RNF19A: variants seen among roughly 807,000 people sequenced by gnomAD.
RNF19A encodes E3 ubiquitin-protein ligase RNF19A.
In RNF19A, 32 loss-of-function variants were observed where a neutral mutation model predicts 75.7. That is an observed-to-expected ratio of 0.42 (90% CI 0.32 to 0.57). The LOEUF (loss-of-function observed/expected upper bound fraction) is 0.57, where lower values mean the gene tolerates loss of function less well. RNF19A is among the 20% of genes least tolerant of loss of function. The pLI, the probability that RNF19A is intolerant of heterozygous loss-of-function variation, is 0.10. For missense variants in RNF19A, 782 were observed against 1,036.3 expected (o/e 0.75, Z 3.37); for synonymous variants, 335 against 345.2 (o/e 0.97, Z 0.33).
intron 3 of RNF19A, 41 bp from the exon 4 acceptor site, chr8:100,270,054 G>C (rs1426900075): frequency 6.9e-7 from 1 of 1,443,722 alleles, no homozygotes. Context: ...ACATAAAACT[G>C]GTCTAAAAAT....
chr8:100,264,409 A>T lies in RNF19A; in HGVS notation c.1307-214T>A. The T allele has an allele frequency of 1.7e-6, 1 of 581,004 alleles. No homozygotes were observed. The highest frequency in any genetic ancestry group is 3.0e-6 in the Non-Finnish European group (1 of 334,168). The allele number at this position is 581,004 out of a possible 1,614,324, so 36.0% of individuals were successfully genotyped here. A position where few individuals can be genotyped will look rare whatever the true frequency, so the allele number is the denominator to read the frequency against. On this transcript the variant is annotated intron_variant, in intron 6 of 9. Transcript: ENST00000341084. This position sits in a 1 kb window ranked among gnomAD's most constrained non-coding sequence, Gnocchi z 4.7. ...AGGTAATGCACATAAGGGGAAAAAG[A>T]GAGAGATGCAAACTTTTTTCTTTTG...
Position 100,258,077 on chromosome 8 carries a change from C to T in RNF19A, c.*479G>A, listed in dbSNP as rs545105224. Reference sequence around the variant, plus strand: ...TGAAGAAAAAAAATGAAATTTATGCCGATATAAATAGAAATGTTACAGAGT... The same window carrying T: ...TGAAGAAAAAAAATGAAATTTATGCTGATATAAATAGAAATGTTACAGAGT... On this transcript the variant is annotated 3_prime_UTR_variant, in exon 10 of 10. Transcript: ENST00000341084. This position sits in a 1 kb window ranked among gnomAD's most constrained non-coding sequence, Gnocchi z 4.3. The T allele has an allele frequency of 9.3e-5, 37 of 398,592 alleles. No individual in the cohort carries two copies. The highest frequency in any genetic ancestry group is 7.2e-4 in the African/African-American group (35 of 48,656). 24.7% of individuals were successfully genotyped at this position (398,592 alleles called of 1,614,324 possible). A position where few individuals can be genotyped will look rare whatever the true frequency, so the allele number is the denominator to read the frequency against.
At chr8:100,327,162 A>G (rs1381729797) in intron 1 of RNF19A, among the ~76,000 whole-genome samples, 4 of 149,378 alleles carry the variant, frequency 2.7e-5, no homozygotes, top group Middle Eastern at 3.2e-3. Context: ...AAGAAAAATT[A>G]TTCTCATCTT....
chr8:100,326,776 A>G (rs756040893), intron 1 of RNF19A, among the ~76,000 whole-genome samples: 2 of 152,222 alleles, frequency 1.3e-5, no homozygotes, highest in Non-Finnish European at 2.9e-5. Context: ...TACTTATCTT[A>G]AACACTTTAA....
intron 2 of RNF19A, among the ~76,000 whole-genome samples, chr8:100,285,008 T>C (rs563446499): frequency 1.1e-4 from 17 of 152,282 alleles, no homozygotes; most frequent in African/African-American, 4.1e-4. Context: ...TCACATCCCC[T>C]CTTCCTACTC....
At chr8:100,295,605 T>C (rs75095053) in intron 1 of RNF19A, among the ~76,000 whole-genome samples, 8,998 of 152,252 alleles carry the variant, frequency 0.059, 334 homozygotes, top group African/African-American at 0.11. Context: ...GCATTTACTA[T>C]ATGTAGTGTT....
chr8:100,258,667 A>G lies in RNF19A; in HGVS notation c.2406T>C (p.Asn802=). The G allele has an allele frequency of 1.9e-6, 3 of 1,614,074 alleles. No homozygotes were observed. The highest frequency in any genetic ancestry group is 1.1e-5 in the South Asian group (1 of 91,082). ...ATAAATCAACATTAGGTTTTATTCC[A>G]TTGTTACCATGTTCTTCAGCAATAT... ...LNHIAEEHGN[N]GIKPNVDLYF... The change falls in exon 10 of 10, where the codon AAT becomes AAC. Residue 802 remains asparagine (N), a synonymous_variant. Coordinates refer to ENST00000341084, the MANE Select transcript of RNF19A (RefSeq NM_183419.4). This position sits in a 1 kb window ranked among gnomAD's most constrained non-coding sequence, Gnocchi z 4.3.
intron 1 of RNF19A, among the ~76,000 whole-genome samples, chr8:100,335,546 T>C (rs1264433941): frequency 3.3e-5 from 5 of 152,260 alleles, no homozygotes; most frequent in African/African-American, 1.2e-4. Context: ...CTATTTTTAC[T>C]TTAATAATTT....
rs1821067521 is a variant in RNF19A, at chr8:100,287,268, C to T, written c.674+233G>A. 6.6e-6 allele frequency among the ~76,000 whole-genome samples: 1 copy of T among 152,056 alleles called. No homozygotes were observed. The highest frequency in any genetic ancestry group is 2.4e-5 in the African/African-American group (1 of 41,400). The stretch of plus-strand genomic sequence containing the variant: ...TAGATCCTGTACTCTACCACCTTAC[C>T]CTTTCCTTCTAAAAGTGCTCAGTGA... On this transcript the variant is annotated intron_variant, in intron 2 of 9. Transcript: ENST00000341084. The surrounding 1 kb of genome is among the most constrained non-coding windows in gnomAD (Gnocchi z 4.1).
chr8:100,297,040 T>C (rs1821597800), intron 1 of RNF19A, among the ~76,000 whole-genome samples: 1 of 152,214 alleles, frequency 6.6e-6, no homozygotes, highest in East Asian at 1.9e-4. Flanking sequence ...CAGGTGACCA[T>C]AAATATGTCC....
chr8:100,260,597 T>C lies in RNF19A; in HGVS notation c.1683-600A>G, dbSNP rs1445560969. Among the ~76,000 whole-genome samples, 1 of 152,184 alleles carries C rather than the reference T, an allele frequency of 6.6e-6. No individual in the cohort carries two copies. The highest frequency in any genetic ancestry group is 1.5e-5 in the Non-Finnish European group (1 of 68,036). On this transcript the variant is annotated intron_variant, in intron 8 of 9. Transcript: ENST00000341084. The surrounding 1 kb of genome is among the most constrained non-coding windows in gnomAD (Gnocchi z 4.1). ...CATTTGCCTTTTTAAAAAGAGGTAGTATATACCACTATAACTTAAGAGTTT... is the reference window on the plus strand; with the variant it reads ...CATTTGCCTTTTTAAAAAGAGGTAGCATATACCACTATAACTTAAGAGTTT...
rs147785346 is a variant in RNF19A, at chr8:100,261,601, T to C, written c.1623A>G (p.Leu541=). The change falls in exon 8 of 10, where the codon CTA becomes CTG. Residue 541 remains leucine, a synonymous_variant. Transcript: ENST00000341084. The surrounding 1 kb of genome is among the most constrained non-coding windows in gnomAD (Gnocchi z 4.4). ...NLSETASTMA[L]AGASITGSLS... The stretch of plus-strand genomic sequence containing the variant: ...GACTCCCCGTTATACTGGCTCCAGC[T>C]AGTGCCATGGTGCTGGCCGTTTCAC... The C allele has an allele frequency of 9.9e-6, 16 of 1,614,044 alleles. No individual in the cohort carries two copies. Among genetic ancestry groups the C allele is most frequent in the African/African-American group, 2.7e-5 (2 of 74,924 alleles).
At chr8:100,312,650 G>A (rs1318887802), upstream of RNF19A, among the ~76,000 whole-genome samples, 2 of 152,044 alleles carry the variant, frequency 1.3e-5, no homozygotes, top group African/African-American at 4.8e-5. Context: ...AAAACCGGGC[G>A]CAGTGGCTCA....
rs530260372 is a variant in RNF19A, at chr8:100,332,962, T to A, written c.-243+3146A>T. On this transcript the variant is annotated intron_variant, in intron 1 of 3. Transcript: ENST00000519527. The surrounding 1 kb of genome is among the most constrained non-coding windows in gnomAD (Gnocchi z 4.8). ...CTTTCATTTTGTCTATGGGTTCTCTTTTTGCTTTGTCTTATTTACATTTGC... is the reference window on the plus strand; with the variant it reads ...CTTTCATTTTGTCTATGGGTTCTCTATTTGCTTTGTCTTATTTACATTTGC... 1.3e-4 allele frequency among the ~76,000 whole-genome samples: 20 copies of A among 152,242 alleles called. No individual in the cohort carries two copies. Among genetic ancestry groups the A allele is most frequent in the Non-Finnish European group, 2.4e-4 (16 of 68,036 alleles).
rs1052871971 is a variant in RNF19A, at chr8:100,258,798, T to A, written c.2275A>T (p.Ile759Phe). Residue 759 changes from isoleucine (I) to phenylalanine (F), a missense_variant, in exon 10 of 10, where the codon ATT (isoleucine) becomes TTT (phenylalanine). Transcript: ENST00000341084. This position sits in a 1 kb window ranked among gnomAD's most constrained non-coding sequence, Gnocchi z 4.3. ...DYHTRFATVN[I>F]LPEVENDRLE... ...CGGTCATTTTCTACCTCAGGAAGAATGTTAACAGTAGCAAAGCGGGTGTGA... is the reference window on the plus strand; with the variant it reads ...CGGTCATTTTCTACCTCAGGAAGAAAGTTAACAGTAGCAAAGCGGGTGTGA... 6.2e-7 allele frequency: 1 copy of A among 1,614,092 alleles called. No individual in the cohort carries two copies. The highest frequency in any genetic ancestry group is 1.3e-5 in the African/African-American group (1 of 74,926).
Position 100,269,121 on chromosome 8 carries a change from C to T in RNF19A, c.1029-174G>A, listed in dbSNP as rs1820134193. Reference sequence around the variant, plus strand: ...TAAGAACCACTATAAATTATATTAACAAGATATTGATATATCTTATTTTAT... The same window carrying T: ...TAAGAACCACTATAAATTATATTAATAAGATATTGATATATCTTATTTTAT... On this transcript the variant is annotated intron_variant, in intron 4 of 9. Transcript: ENST00000341084. This position sits in a 1 kb window ranked among gnomAD's most constrained non-coding sequence, Gnocchi z 5.7. Among the ~76,000 whole-genome samples, 1 of 150,716 alleles carries T rather than the reference C, an allele frequency of 6.6e-6. No individual in the cohort carries two copies. The highest frequency in any genetic ancestry group is 6.6e-5 in the Admixed American group (1 of 15,094).
intron 1 of RNF19A, among the ~76,000 whole-genome samples, chr8:100,334,201 C>A (rs1370493177): frequency 6.6e-6 from 1 of 152,236 alleles, no homozygotes; most frequent in African/African-American, 2.4e-5. Context: ...ATGTTCTTTT[C>A]ATCATAGCCA....
intron 1 of RNF19A, chr8:100,303,491 GGGATTA>G (rs775555432): frequency 7.2e-5 from 11 of 152,044 alleles, no homozygotes; most frequent in Non-Finnish European, 1.6e-4. Context: ...GCAGATTCTG[GGGATTA>G]GGACATGAAC....
At position 100,275,972 on chromosome 8, in the gene RNF19A, A is replaced by C. The variant is rs59940122; in HGVS notation, c.675-811T>G. Among the ~76,000 whole-genome samples, 434 of 152,168 alleles carry C rather than the reference A, an allele frequency of 2.9e-3. 5 individuals carry two copies. The highest frequency in any genetic ancestry group is 0.01 in the African/African-American group (417 of 41,488). The stretch of plus-strand genomic sequence containing the variant: ...ATCTCCTGCCAAAAAATAAAAAAAA[A>C]CTGTTTTTTTTTCCTTCGGATTAAA... On this transcript the variant is annotated intron_variant, in intron 2 of 9. Coordinates refer to ENST00000341084, the MANE Select transcript of RNF19A (RefSeq NM_183419.4). The surrounding 1 kb of genome is among the most constrained non-coding windows in gnomAD (Gnocchi z 4.3).
Sources: gnomAD v4.1 joint callset for allele counts (sites outside exome capture counted in the v4.1 genomes callset) on GRCh38, gnomAD v4.1.1 for gene constraint, Gnocchi (gnomAD v3.1) non-coding constraint, MANE v1.5 for transcripts, NCBI Gene and HGNC (gene_info 2026-07-23, HGNC 2026-07-21) for gene names.